Variants in MAP3K20 observed in about 807,000 individuals in gnomAD.
The protein encoded by MAP3K20 is HCCS-4.
MAP3K20 carries 40 observed loss-of-function variants against 85.7 expected under a neutral mutation model. That is an observed-to-expected ratio of 0.47 (90% CI 0.36 to 0.61). The LOEUF is 0.61. MAP3K20 is among the 20% of genes least tolerant of loss of function. The pLI, the probability that MAP3K20 is intolerant of heterozygous loss-of-function variation, is 0.00. For synonymous variants in MAP3K20, 325 were observed against 327.7 expected, an observed-to-expected ratio of 0.99 and a Z score of 0.09; for missense variants, 817 against 961.7, an observed-to-expected ratio of 0.85 and a Z score of 1.99.
At chr2:173,247,877 C>A (rs1044096596) in intron 16 of MAP3K20, among the ~76,000 whole-genome samples, 5 of 152,072 alleles carry the variant, frequency 3.3e-5, no homozygotes, top group African/African-American at 7.2e-5. Flanking sequence ...CCAGACACGG[C>A]TTTACTGGGG....
chr2:173,122,948 A>G (rs886979242), intron 2 of MAP3K20, among the ~76,000 whole-genome samples: 2 of 152,184 alleles, frequency 1.3e-5, no homozygotes, highest in Admixed American at 6.5e-5. Flanking sequence ...ACAAAGGAAA[A>G]TAACTACAGA....
chr2:173,148,719 G>C (rs1689208696), intron 2 of MAP3K20, among the ~76,000 whole-genome samples: 1 of 152,214 alleles, frequency 6.6e-6, no homozygotes, highest in African/African-American at 2.4e-5. Context: ...CAGGAAATGT[G>C]TGGGTATTTG....
rs542872931 is a variant in MAP3K20, at chr2:173,128,209, A to G, written c.159+37019A>G. Among the ~76,000 whole-genome samples, 69 of 152,310 alleles carry G rather than the reference A, an allele frequency of 4.5e-4. No homozygotes were observed. In the South Asian group the frequency reaches 0.014, roughly 31 times the overall value. ...CTTCATGCCTTCTCCAGTATTTCCA[A>G]TGATAGTTTTCTAATTGCAGTTTCC... On this transcript the variant is annotated intron_variant, in intron 2 of 19. Transcript: ENST00000375213.
At chr2:173,199,263 A>G (rs972099763) in intron 8 of MAP3K20, among the ~76,000 whole-genome samples, 3 of 152,334 alleles carry the variant, frequency 2.0e-5, no homozygotes, top group Admixed American at 2.0e-4. Context: ...GAGTTACCAT[A>G]TAATTTTTCC....
chr2:173,226,136 A>C, intron 11 of MAP3K20: 1 of 984,810 alleles, frequency 1.0e-6, no homozygotes, highest in Non-Finnish European at 1.2e-6. Context: ...TTAGACTTTT[A>C]AACACCAGCT....
chr2:173,227,097 C>G, intron 11 of MAP3K20: 1 of 985,816 alleles, frequency 1.0e-6, no homozygotes, highest in Non-Finnish European at 1.2e-6. Flanking sequence ...CTTTTCTTTG[C>G]TTTCCTTTGT....
At chr2:173,187,669 A>G (rs754482945) in intron 5 of MAP3K20, 46 bp downstream of exon 5, 7 of 1,488,694 alleles carry the variant, frequency 4.7e-6, no homozygotes, top group Non-Finnish European at 6.5e-6. Flanking sequence ...TACAAATTAC[A>G]TACACTTGCA....
chr2:173,174,299 C>T (rs572326845), intron 3 of MAP3K20, among the ~76,000 whole-genome samples: 2 of 152,226 alleles, frequency 1.3e-5, no homozygotes, highest in South Asian at 4.1e-4. Context: ...GTTTGTTGCA[C>T]CCATCAACCT....
In MAP3K20 at chr2:173,266,689, C is replaced by T. The variant is rs202237846; in HGVS notation, c.2342C>T (p.Ser781Phe). 1.1e-4 allele frequency: 181 copies of T among 1,598,454 alleles called. No homozygotes were observed. Among genetic ancestry groups the T allele is most frequent in the Non-Finnish European group, 1.5e-4 (175 of 1,172,654 alleles). Residue 781 changes from serine to phenylalanine, a missense_variant, in exon 20 of 20, where the codon TCT (serine) becomes TTT (phenylalanine). By Grantham distance (155) the Ser-to-Phe change is radical. Coordinates refer to ENST00000375213, the MANE Select transcript of MAP3K20 (RefSeq NM_016653.3). ...TACCGGAAAAAGCCCCACAGGCCATCTCCCGCCAAAACCAATAAAGAGAGA... is the reference window on the plus strand; with the variant it reads ...TACCGGAAAAAGCCCCACAGGCCATTTCCCGCCAAAACCAATAAAGAGAGA... ...VEYRKKPHRP[S>F]PAKTNKERAR...
At chr2:173,137,640 T>C (rs1477699949) in intron 2 of MAP3K20, among the ~76,000 whole-genome samples, 19 of 152,186 alleles carry the variant, frequency 1.2e-4, no homozygotes. Context: ...GTTGCTCTTA[T>C]TGTAGTTTAT....
chr2:173,157,812 C>T (rs1411437750), intron 2 of MAP3K20, among the ~76,000 whole-genome samples: 2 of 152,232 alleles, frequency 1.3e-5, no homozygotes, highest in Non-Finnish European at 2.9e-5. Flanking sequence ...TGACCTGATT[C>T]TGCACAGTTG....
At chr2:173,139,974 G>A (rs1356339262) in intron 2 of MAP3K20, among the ~76,000 whole-genome samples, 1 of 151,794 alleles carries the variant, frequency 6.6e-6, no homozygotes, top group Non-Finnish European at 1.5e-5. Flanking sequence ...TAAAAAAGCA[G>A]TTTTCCTTCC....
At chr2:173,191,280 T>C (rs1480193515) in intron 7 of MAP3K20, 103 bp downstream of exon 7, 8 of 1,473,112 alleles carry the variant, frequency 5.4e-6, no homozygotes, top group Non-Finnish European at 6.3e-6. Context: ...TATTTGAGAC[T>C]GTACTGCTGG....
intron 2 of MAP3K20, among the ~76,000 whole-genome samples, chr2:173,092,899 C>G (rs1045430399): frequency 1.3e-5 from 2 of 152,106 alleles, no homozygotes; most frequent in African/African-American, 4.8e-5. Context: ...CTGCCAAATC[C>G]TGCTTTCGTG....
At chr2:173,193,360 G>C (rs1036728866) in intron 7 of MAP3K20, among the ~76,000 whole-genome samples, 21 of 151,886 alleles carry the variant, frequency 1.4e-4, no homozygotes, top group African/African-American at 5.1e-4. Context: ...CCAAGTGTTT[G>C]AATTTCCTTA....
rs1176935479 is a variant in MAP3K20, at chr2:173,227,087, C to CTTT, written c.988-2600_988-2598dup. On this transcript the variant is annotated intron_variant, in intron 11 of 19. Transcript: ENST00000375213. Reference sequence around the variant, plus strand: ...GTCATACATTTCATTTTGATGTGAACTTTTCTTTGCTTTCCTTTGTTCTAA... The same window carrying CTTT: ...GTCATACATTTCATTTTGATGTGAACTTTTTTTCTTTGCTTTCCTTTGTTCTAA... 3.0e-6 allele frequency: 3 copies of CTTT among 985,690 alleles called. No individual in the cohort carries two copies. The East Asian group carries it at 3.4e-4, about 112-fold the overall frequency. The allele number at this position is 985,690 out of a possible 1,614,324, so 61.1% of individuals were successfully genotyped here.
At chr2:173,139,792 A>C (rs532523360) in intron 2 of MAP3K20, among the ~76,000 whole-genome samples, 3 of 152,154 alleles carry the variant, frequency 2.0e-5, no homozygotes, top group Admixed American at 6.5e-5. Flanking sequence ...TTACACACTC[A>C]GTATCATGTT....
chr2:173,239,357 A>C, intron 15 of MAP3K20, 47 bp from the exon 16 acceptor site: 1 of 1,478,404 alleles, frequency 6.8e-7, no homozygotes, highest in Non-Finnish European at 9.2e-7. Context: ...TTACATGAGA[A>C]GTAAAAACAA....
intron 2 of MAP3K20, among the ~76,000 whole-genome samples, chr2:173,112,097 G>A (rs557107008): frequency 6.6e-5 from 10 of 152,254 alleles, no homozygotes; most frequent in African/African-American, 2.2e-4. Flanking sequence ...TTTCGGCAGT[G>A]ATTTGTAGTT....
Sources: allele counts gnomAD v4.1 joint callset (sites outside exome capture counted in the v4.1 genomes callset), GRCh38; gene constraint gnomAD v4.1.1; transcripts MANE v1.5; gene names NCBI Gene and HGNC (gene_info 2026-07-23, HGNC 2026-07-21).